TRAPPC9: variants seen among roughly 807,000 people sequenced by gnomAD.
TRAPPC9 encodes the protein trafficking protein particle complex subunit 9.
In TRAPPC9, 83 loss-of-function variants were observed where a neutral mutation model predicts 124.0. That is an observed-to-expected ratio of 0.67 (90% CI 0.56 to 0.80). The LOEUF (loss-of-function observed/expected upper bound fraction) is 0.80. Among genes scored for constraint, TRAPPC9 ranks in the 30% least tolerant of loss-of-function variants. The pLI, the probability that TRAPPC9 is intolerant of heterozygous loss-of-function variation, is 0.00. For missense variants in TRAPPC9, 1,302 were observed against 1,508.3 expected, an observed-to-expected ratio of 0.86 and a Z score of 2.27; for synonymous variants, 638 against 617.5, an observed-to-expected ratio of 1.03 and a Z score of -0.49.
At chr8:140,329,397 C>T (rs1310088404) in intron 9 of TRAPPC9, among the ~76,000 whole-genome samples, 1 of 152,152 alleles carries the variant, frequency 6.6e-6, no homozygotes, top group Non-Finnish European at 1.5e-5. Flanking sequence ...AAAAATGGGA[C>T]AGGAGCAGAC....
chr8:140,309,564 TG>T (rs752266249), intron 10 of TRAPPC9, among the ~76,000 whole-genome samples: 1 of 152,260 alleles, frequency 6.6e-6, no homozygotes, highest in Non-Finnish European at 1.5e-5. Flanking sequence ...CAGAATGTTC[TG>T]TAAGCTTCAT....
chr8:140,166,789 A>C (rs1199679132), intron 17 of TRAPPC9, among the ~76,000 whole-genome samples: 1 of 152,132 alleles, frequency 6.6e-6, no homozygotes, highest in Non-Finnish European at 1.5e-5. Context: ...TTTTCTTCCA[A>C]ATGTGTATAC....
rs56711080 is a variant in TRAPPC9 at position 140,241,819 on chromosome 8, A to G, written c.2431+10958T>C. ...GAACTCAGGGTGTGGAACACTCGGCAGCCTTCGCAGCGTGCCTTCCGTCCC... is the reference window on the plus strand; with the variant it reads ...GAACTCAGGGTGTGGAACACTCGGCGGCCTTCGCAGCGTGCCTTCCGTCCC... On this transcript the variant is annotated intron_variant, in intron 16 of 22. Coordinates refer to ENST00000438773, the MANE Select transcript of TRAPPC9 (RefSeq NM_001160372.4). The surrounding 1 kb of genome is among the most constrained non-coding windows in gnomAD (Gnocchi z 5.0). 0.097 allele frequency among the ~76,000 whole-genome samples: 14,841 copies of G among 152,322 alleles called. 846 individuals carry two copies. Among genetic ancestry groups the G allele is most frequent in the African/African-American group, 0.16 (6,634 of 41,568 alleles).
rs567807540 is a variant in TRAPPC9, at chr8:139,973,310, G to A, written c.2810+15416C>T. Among the ~76,000 whole-genome samples, 215 of 152,300 alleles carry A rather than the reference G, an allele frequency of 1.4e-3. 1 individual carries two copies. The highest frequency in any genetic ancestry group is 4.5e-3 in the African/African-American group (186 of 41,564). On this transcript the variant is annotated intron_variant, in intron 19 of 22. Transcript: ENST00000438773. ...AGCAGCAGGGTGGCCACGGGCCAGC[G>A]CCCCTGGACAGTCCAGGTTTAGGCC...
chr8:139,837,041 T>C (rs747972356), intron 21 of TRAPPC9, among the ~76,000 whole-genome samples: 93 of 152,178 alleles, frequency 6.1e-4, no homozygotes, highest in Non-Finnish European at 1.1e-3. Context: ...GAACAGGACC[T>C]GTACAGGTGA....
At chr8:140,045,651 A>AAAAAAC (rs1841548631) in intron 17 of TRAPPC9, among the ~76,000 whole-genome samples, 1 of 38,990 alleles carries the variant, frequency 2.6e-5, no homozygotes, top group African/African-American at 5.9e-5. Flanking sequence ...AAAAAAAAAA[A>AAAAAAC]AAAAAAAACC....
chr8:139,805,202 G>A (rs1052546371), intron 21 of TRAPPC9, among the ~76,000 whole-genome samples: 32 of 152,330 alleles, frequency 2.1e-4, no homozygotes, highest in Non-Finnish European at 2.6e-4. Flanking sequence ...ATGTGGAGTA[G>A]GCGTACCCCA....
chr8:140,091,968 G>T (rs1363464174), intron 17 of TRAPPC9, among the ~76,000 whole-genome samples: 4 of 150,458 alleles, frequency 2.7e-5, no homozygotes, highest in African/African-American at 9.8e-5. Flanking sequence ...CTTCGATTCA[G>T]CCGCAGAACG....
At chr8:140,053,948 A>G (rs1170826953) in intron 17 of TRAPPC9, among the ~76,000 whole-genome samples, 1 of 152,242 alleles carries the variant, frequency 6.6e-6, no homozygotes, top group South Asian at 2.1e-4. Context: ...TGGACTGCAT[A>G]AAGAAAGTGT....
chr8:140,407,561 A>AC (rs2069538094), intron 5 of TRAPPC9, among the ~76,000 whole-genome samples: 1 of 152,182 alleles, frequency 6.6e-6, no homozygotes, highest in Non-Finnish European at 1.5e-5. Flanking sequence ...CCACCTTTTA[A>AC]AGAAAGGGCA....
intron 19 of TRAPPC9, among the ~76,000 whole-genome samples, chr8:139,971,391 G>A (rs2665942): frequency 0.89 from 134,903 of 152,154 alleles, 59,994 homozygotes; most frequent in East Asian, 0.99. Flanking sequence ...CCTCACTGGT[G>A]AGCAATCCCC....
chr8:140,144,889 T>TC (rs1312819345), intron 17 of TRAPPC9, among the ~76,000 whole-genome samples: 1 of 151,962 alleles, frequency 6.6e-6, no homozygotes, highest in African/African-American at 2.4e-5. Flanking sequence ...CTTTTTTTTT[T>TC]CTGAGATGGA....
intron 13 of TRAPPC9, among the ~76,000 whole-genome samples, chr8:140,286,094 G>C (rs2065476396): frequency 6.6e-6 from 1 of 152,250 alleles, no homozygotes. Context: ...CCATGCCGAG[G>C]AAGGCTCCCG....
chr8:139,877,822 A>T (rs1214389279), intron 21 of TRAPPC9, among the ~76,000 whole-genome samples: 1 of 152,180 alleles, frequency 6.6e-6, no homozygotes, highest in Non-Finnish European at 1.5e-5. Context: ...TTCACTTTAC[A>T]AGAGGGAAAC....
At chr8:139,980,572 G>T (rs1296904705) in intron 19 of TRAPPC9, among the ~76,000 whole-genome samples, 1 of 152,230 alleles carries the variant, frequency 6.6e-6, no homozygotes, top group African/African-American at 2.4e-5. Flanking sequence ...CCAACGGCTG[G>T]CCACTGGCCA....
chr8:140,059,178 A>G (rs1842446721), intron 17 of TRAPPC9, among the ~76,000 whole-genome samples: 1 of 152,142 alleles, frequency 6.6e-6, no homozygotes, highest in African/African-American at 2.4e-5. Flanking sequence ...CTTTCTCTCT[A>G]GATCTATCTA....
chr8:140,269,091 C>G (rs1348238901), intron 15 of TRAPPC9, among the ~76,000 whole-genome samples: 1 of 151,488 alleles, frequency 6.6e-6, no homozygotes, highest in Admixed American at 6.6e-5. Flanking sequence ...CCATGTATTT[C>G]TAAACCTCAC....
intron 18 of TRAPPC9, among the ~76,000 whole-genome samples, chr8:139,996,424 A>T (rs963942111): frequency 6.6e-6 from 1 of 152,094 alleles, no homozygotes; most frequent in African/African-American, 2.4e-5. Context: ...TGGTGGGGGA[A>T]CTCTAACAAC....
At chr8:139,918,567 C>T (rs1440324744) in intron 19 of TRAPPC9, among the ~76,000 whole-genome samples, 2 of 152,238 alleles carry the variant, frequency 1.3e-5, no homozygotes, top group East Asian at 3.9e-4. Flanking sequence ...GAGCCGGCTC[C>T]CCTTGCCCTT....
Sources: gnomAD v4.1 joint callset for allele counts (sites outside exome capture counted in the v4.1 genomes callset) on GRCh38, gnomAD v4.1.1 for gene constraint, Gnocchi (gnomAD v3.1) non-coding constraint, MANE v1.5 for transcripts, NCBI Gene and HGNC (gene_info 2026-07-23, HGNC 2026-07-21) for gene names.